AGAP1: variants seen among roughly 807,000 people sequenced by gnomAD.
AGAP1 encodes ArfGAP with GTPase domain, ankyrin repeat and PH domain 1.
Under a neutral mutation model 105.3 loss-of-function variants are expected in AGAP1, and 29 were observed. The ratio of observed to expected loss-of-function variants is 0.28; its 90% CI spans 0.21 to 0.38. The LOEUF is 0.38. AGAP1 is among the 10% of genes least tolerant of loss of function. The probability of loss-of-function intolerance (pLI) is 1.00; values close to 1 mark genes in which losing one functional copy is unlikely to be tolerated. For synonymous variants in AGAP1, 509 were observed against 485.9 expected (o/e 1.05, Z -0.63); for missense variants, 998 against 1,165.1 (o/e 0.86, Z 2.09).
intron 9 of AGAP1, among the ~76,000 whole-genome samples, chr2:235,814,938 C>T (rs1001046598): frequency 3.3e-5 from 5 of 152,058 alleles, no homozygotes; most frequent in Non-Finnish European, 5.9e-5. Context: ...GACTCATGGC[C>T]GCACGGAGTG....
Position 235,883,498 on chromosome 2 carries a change from A to C in AGAP1, c.1155+49A>C. ...ATTAACAGCTGCAGACCTCAACTAA[A>C]CACTGTGGGGAAGGGGAACCTACCA... On this transcript the variant is annotated intron_variant, in intron 10 of 17. Transcript: ENST00000304032. This position sits in a 1 kb window ranked among gnomAD's most constrained non-coding sequence, Gnocchi z 4.5. The C allele has an allele frequency of 6.7e-7, 1 of 1,490,496 alleles. No homozygotes were observed. Among genetic ancestry groups the C allele is most frequent in the Non-Finnish European group, 9.3e-7 (1 of 1,074,602 alleles). The allele number at this position is 1,490,496 out of a possible 1,614,324, so 92.3% of individuals were successfully genotyped here.
In AGAP1 at chr2:235,777,091, G is replaced by A. The variant is rs1190209285; in HGVS notation, c.674-20668G>A. On this transcript the variant is annotated intron_variant, in intron 6 of 17. Coordinates refer to ENST00000304032, the MANE Select transcript of AGAP1 (RefSeq NM_001037131.3). This position sits in a 1 kb window ranked among gnomAD's most constrained non-coding sequence, Gnocchi z 5.1. The stretch of plus-strand genomic sequence containing the variant: ...GACAGAAGTGATGCTGGGCGCGGTG[G>A]CTCATGCCTGTAATTCCAGCACTTT... 2.1e-6 allele frequency: 1 copy of A among 470,530 alleles called. No individual in the cohort carries two copies. The highest frequency in any genetic ancestry group is 4.4e-6 in the Non-Finnish European group (1 of 226,750). The allele number at this position is 470,530 out of a possible 1,614,324, so 29.1% of individuals were successfully genotyped here. A position where few individuals can be genotyped will look rare whatever the true frequency, so the allele number is the denominator to read the frequency against.
At chr2:235,496,496 C>T (rs894588456) in intron 1 of AGAP1, among the ~76,000 whole-genome samples, 11 of 152,164 alleles carry the variant, frequency 7.2e-5, no homozygotes, top group African/African-American at 2.2e-4. Flanking sequence ...GAAGGCTGCA[C>T]GGTGCTCATT....
At chr2:235,657,331 A>C (rs932296206) in intron 1 of AGAP1, among the ~76,000 whole-genome samples, 1 of 152,146 alleles carries the variant, frequency 6.6e-6, no homozygotes, top group African/African-American at 2.4e-5. Flanking sequence ...AAATGTGACT[A>C]TTACACACTG....
chr2:235,948,431 C>T lies in AGAP1; in HGVS notation c.1483+17508C>T, dbSNP rs1287686242. On this transcript the variant is annotated intron_variant, in intron 12 of 17. Coordinates refer to ENST00000304032, the MANE Select transcript of AGAP1 (RefSeq NM_001037131.3). ...AACTCCTGAGCTTCTGTGTTCCCCC[C>T]ACCTCCATCTCCCAAAGTCTCCTGG... Among the ~76,000 whole-genome samples the T allele has an allele frequency of 2.0e-5, 3 of 152,182 alleles. No individual in the cohort carries two copies. In the South Asian group the frequency reaches 6.2e-4, roughly 32 times the overall value.
intron 1 of AGAP1, among the ~76,000 whole-genome samples, chr2:235,627,499 A>G (rs2149280906): frequency 6.6e-6 from 1 of 152,272 alleles, no homozygotes. Flanking sequence ...TGCTGGGATT[A>G]CAGGCGTGAG....
At chr2:235,709,349 G>C in intron 2 of AGAP1, 112 bp downstream of exon 2, 2 of 1,234,558 alleles carry the variant, frequency 1.6e-6, no homozygotes, top group Non-Finnish European at 2.4e-6. Context: ...GTGGAAGTGT[G>C]ACTCTGGGTG....
intron 1 of AGAP1, among the ~76,000 whole-genome samples, chr2:235,563,870 C>T (rs1944250869): frequency 6.6e-6 from 1 of 152,114 alleles, no homozygotes; most frequent in African/African-American, 2.4e-5. Flanking sequence ...CCCTCTTTTA[C>T]AAATGGGGAC....
chr2:235,985,057 A>G (rs1456769179), intron 13 of AGAP1, among the ~76,000 whole-genome samples: 1 of 152,292 alleles, frequency 6.6e-6, no homozygotes, highest in Non-Finnish European at 1.5e-5. Context: ...GAACTAATTT[A>G]CATTCCCACC....
At chr2:236,084,607 A>G (rs904380885) in intron 16 of AGAP1, among the ~76,000 whole-genome samples, 6 of 152,208 alleles carry the variant, frequency 3.9e-5, no homozygotes, top group Admixed American at 1.3e-4. Context: ...TCAAATATCA[A>G]TTTTAAGAAT....
chr2:235,952,980 G>A (rs1050468940), intron 12 of AGAP1, among the ~76,000 whole-genome samples: 3 of 152,354 alleles, frequency 2.0e-5, no homozygotes, highest in East Asian at 1.9e-4. Flanking sequence ...TTAGAGCCAG[G>A]TGTGGCGGAA....
chr2:235,662,489 G>A lies in AGAP1; in HGVS notation c.164-46690G>A, dbSNP rs551489984. ...AATTTAGTTTATCATTCCCCTACTT[G>A]GTCTGTCTGCCTTCATGGAAGTTGG... On this transcript the variant is annotated intron_variant, in intron 1 of 17. Transcript: ENST00000304032. The surrounding 1 kb of genome is among the most constrained non-coding windows in gnomAD (Gnocchi z 4.2). Among the ~76,000 whole-genome samples, 1 of 150,826 alleles carries A rather than the reference G, an allele frequency of 6.6e-6. No homozygotes were observed. Among genetic ancestry groups the A allele is most frequent in the Non-Finnish European group, 1.5e-5 (1 of 67,842 alleles).
chr2:235,776,462 TC>T, intron 6 of AGAP1, among the ~76,000 whole-genome samples: 1 of 152,222 alleles, frequency 6.6e-6, no homozygotes, highest in East Asian at 1.9e-4. Context: ...TAGGATTCTT[TC>T]CTGTTCGAAA....
At chr2:236,091,415 A>G (rs1475530433) in intron 16 of AGAP1, among the ~76,000 whole-genome samples, 1 of 152,168 alleles carries the variant, frequency 6.6e-6, no homozygotes, top group African/African-American at 2.4e-5. Context: ...GTTTCTTATA[A>G]AACTAAACGT....
chr2:235,631,843 C>G lies in AGAP1; in HGVS notation c.164-77336C>G, dbSNP rs1946840189. Reference sequence around the variant, plus strand: ...CTTCCTGCTGTCAGGTGTGGCCACTCTCGTGAGATGCAACTGGAGGTGTTT... The same window carrying G: ...CTTCCTGCTGTCAGGTGTGGCCACTGTCGTGAGATGCAACTGGAGGTGTTT... On this transcript the variant is annotated intron_variant, in intron 1 of 17. Coordinates refer to ENST00000304032, the MANE Select transcript of AGAP1 (RefSeq NM_001037131.3). The surrounding 1 kb of genome is among the most constrained non-coding windows in gnomAD (Gnocchi z 5.4). 6.6e-6 allele frequency among the ~76,000 whole-genome samples: 1 copy of G among 152,196 alleles called. No individual in the cohort carries two copies. Among genetic ancestry groups the G allele is most frequent in the African/African-American group, 2.4e-5 (1 of 41,448 alleles).
chr2:235,510,531 C>G (rs1315444302), intron 1 of AGAP1, among the ~76,000 whole-genome samples: 1 of 152,176 alleles, frequency 6.6e-6, no homozygotes, highest in African/African-American at 2.4e-5. Context: ...TTCATATGGG[C>G]ACGTGCTTTC....
rs1007512139 is a variant in AGAP1 at position 235,691,443 on chromosome 2, A to C, written c.164-17736A>C. 2.0e-5 allele frequency among the ~76,000 whole-genome samples: 3 copies of C among 152,248 alleles called. No homozygotes were observed. Among genetic ancestry groups the C allele is most frequent in the Non-Finnish European group, 4.4e-5 (3 of 68,042 alleles). ...AAAGTAGATTTAACACATCTTTAAA[A>C]TCCGCTGAAGACTGTAAAGATACTC... is the stretch of plus-strand genomic sequence containing the variant. On this transcript the variant is annotated intron_variant, in intron 1 of 17. Coordinates refer to ENST00000304032, the MANE Select transcript of AGAP1 (RefSeq NM_001037131.3). The surrounding 1 kb of genome is among the most constrained non-coding windows in gnomAD (Gnocchi z 4.4).
rs1333978778 is a variant in AGAP1 at position 235,596,643 on chromosome 2, ATGT to A, written c.163+101799_163+101801del. Among the ~76,000 whole-genome samples the A allele has an allele frequency of 2.0e-5, 3 of 152,180 alleles. No individual in the cohort carries two copies. Among genetic ancestry groups the A allele is most frequent in the African/African-American group, 7.2e-5 (3 of 41,430 alleles). Reference sequence around the variant, plus strand: ...GTATTTGAGGGGATTGTGTAAGAAGATGTTGTTAAATTTATTTTTAGAATAATA... The same window carrying A: ...GTATTTGAGGGGATTGTGTAAGAAGATGTTAAATTTATTTTTAGAATAATA... On this transcript the variant is annotated intron_variant, in intron 1 of 17. Coordinates refer to ENST00000304032, the MANE Select transcript of AGAP1 (RefSeq NM_001037131.3). This position sits in a 1 kb window ranked among gnomAD's most constrained non-coding sequence, Gnocchi z 5.9.
chr2:235,631,427 C>T lies in AGAP1; in HGVS notation c.164-77752C>T, dbSNP rs1156595858. The stretch of plus-strand genomic sequence containing the variant: ...GCGGGAGAGCCAAGGAGGACAGCCT[C>T]CGGGTGGGCCATCACTGCTGGTAGA... On this transcript the variant is annotated intron_variant, in intron 1 of 17. Transcript: ENST00000304032. This position sits in a 1 kb window ranked among gnomAD's most constrained non-coding sequence, Gnocchi z 5.4. 6.6e-6 allele frequency among the ~76,000 whole-genome samples: 1 copy of T among 152,200 alleles called. No homozygotes were observed. The highest frequency in any genetic ancestry group is 6.5e-5 in the Admixed American group (1 of 15,282).
Sources: allele counts gnomAD v4.1 joint callset (sites outside exome capture counted in the v4.1 genomes callset), GRCh38; gene constraint gnomAD v4.1.1; non-coding constraint Gnocchi (gnomAD v3.1); transcripts MANE v1.5; gene names NCBI Gene and HGNC (gene_info 2026-07-23, HGNC 2026-07-21).